Variants in MTHFD2L observed in about 807,000 individuals in gnomAD.
The protein encoded by MTHFD2L is methylenetetrahydrofolate dehydrogenase (NADP+ dependent) 2 like.
Under a neutral mutation model 34.9 loss-of-function variants are expected in MTHFD2L, and 29 were observed. The ratio of observed to expected loss-of-function variants is 0.83; its 90% CI spans 0.62 to 1.13. MTHFD2L has a LOEUF of 1.13. Among genes scored for constraint, MTHFD2L ranks in the 50% most tolerant of loss-of-function variants. The pLI is 0.00. For missense variants in MTHFD2L, 481 were observed against 446.5 expected (o/e 1.08, Z -0.70); for synonymous variants, 167 against 155.7 (o/e 1.07, Z -0.54).
rs1290542040 is a variant in MTHFD2L, at chr4:74,158,290, G to A, written c.143+9G>A. 4 of 1,302,838 alleles carry A rather than the reference G, an allele frequency of 3.1e-6. No individual in the cohort carries two copies. The African/African-American group carries it at 4.7e-5, about 15-fold the overall frequency. The allele number at this position is 1,302,838 out of a possible 1,614,324, so 80.7% of individuals were successfully genotyped here. A position where few individuals can be genotyped will look rare whatever the true frequency, so the allele number is the denominator to read the frequency against. On this transcript the variant is annotated intron_variant, in intron 1 of 7. Coordinates refer to ENST00000325278, the MANE Select transcript of MTHFD2L (RefSeq NM_001144978.3). ...CGGAGCAGCGGTGTGAGGTACGAGG[G>A]CTGCGGGCGCCGGGTGCGGAGCCGC...
chr4:74,288,164 T>G (rs1748433135), intron 7 of MTHFD2L: 1 of 152,258 alleles, frequency 6.6e-6, no homozygotes, highest in Non-Finnish European at 1.5e-5. Flanking sequence ...ACAGTCATTC[T>G]GAGGTACTGG....
chr4:74,130,309 C>A (rs2109801742), intron 1 of MTHFD2L, among the ~76,000 whole-genome samples: 1 of 152,240 alleles, frequency 6.6e-6, no homozygotes. Context: ...GGCCAATATC[C>A]CTGATGAACA....
intron 1 of MTHFD2L, among the ~76,000 whole-genome samples, chr4:74,131,756 T>C (rs757818823): frequency 6.6e-6 from 1 of 152,120 alleles, no homozygotes; most frequent in African/African-American, 2.4e-5. Context: ...CCTAAGGAGC[T>C]TCTGCACAGC....
intron 3 of MTHFD2L, among the ~76,000 whole-genome samples, chr4:74,177,150 T>A (rs1326712316): frequency 6.6e-6 from 1 of 151,894 alleles, no homozygotes; most frequent in African/African-American, 2.4e-5. Context: ...TAGTATCACT[T>A]ACCTTTAAAA....
chr4:74,217,025 T>C (rs922572600), intron 5 of MTHFD2L, among the ~76,000 whole-genome samples: 6 of 151,798 alleles, frequency 4.0e-5, no homozygotes, highest in Non-Finnish European at 7.3e-5. Flanking sequence ...TGCAAGACCT[T>C]ATATGATCTG....
At chr4:74,198,599 T>C (rs1733887994) in intron 3 of MTHFD2L, among the ~76,000 whole-genome samples, 1 of 151,946 alleles carries the variant, frequency 6.6e-6, no homozygotes, top group Non-Finnish European at 1.5e-5. Context: ...ATCACCTAGA[T>C]TTTTTTTAAA....
intron 2 of MTHFD2L, among the ~76,000 whole-genome samples, chr4:74,116,318 T>C (rs1012225654): frequency 3.3e-5 from 5 of 152,044 alleles, no homozygotes; most frequent in Non-Finnish European, 5.9e-5. Flanking sequence ...TACATATCAC[T>C]AAAGCTAAAC....
intron 2 of MTHFD2L, among the ~76,000 whole-genome samples, chr4:74,117,903 G>T (rs1721682224): frequency 6.6e-6 from 1 of 152,100 alleles, no homozygotes; most frequent in Non-Finnish European, 1.5e-5. Context: ...CATGAACTCT[G>T]TACTTATCGA....
At chr4:74,233,114 G>A (rs1475102413) in intron 6 of MTHFD2L, among the ~76,000 whole-genome samples, 1 of 152,110 alleles carries the variant, frequency 6.6e-6, no homozygotes, top group Non-Finnish European at 1.5e-5. Context: ...TAATATTAAA[G>A]CATATTTCAT....
intron 7 of MTHFD2L, among the ~76,000 whole-genome samples, chr4:74,291,732 A>G (rs950288138): frequency 4.6e-5 from 7 of 152,146 alleles, no homozygotes; most frequent in Non-Finnish European, 1.0e-4. Flanking sequence ...ACAACATGGG[A>G]AAGTAAGTGT....
intron 6 of MTHFD2L, among the ~76,000 whole-genome samples, chr4:74,246,624 A>T (rs1742499122): frequency 6.6e-6 from 1 of 152,148 alleles, no homozygotes; most frequent in African/African-American, 2.4e-5. Flanking sequence ...CTAACATTTA[A>T]GTCTTTAATC....
At chr4:74,166,307 C>T (rs758950648) in intron 1 of MTHFD2L, among the ~76,000 whole-genome samples, 3 of 152,208 alleles carry the variant, frequency 2.0e-5, no homozygotes, top group Non-Finnish European at 4.4e-5. Context: ...AAGGAGTTTG[C>T]AGCTGCATAA....
chr4:74,193,529 T>C (rs1283895774), intron 3 of MTHFD2L, among the ~76,000 whole-genome samples: 3 of 152,208 alleles, frequency 2.0e-5, no homozygotes, highest in Non-Finnish European at 4.4e-5. Context: ...AGTTTGGGAA[T>C]TGACATCTTA....
chr4:74,277,902 G>A (rs968955361), intron 6 of MTHFD2L, among the ~76,000 whole-genome samples: 1 of 152,006 alleles, frequency 6.6e-6, no homozygotes, highest in Admixed American at 6.6e-5. Context: ...TGTGTGGTCA[G>A]TGCACTGGTG....
At chr4:74,186,415 A>G (rs1259309557) in intron 3 of MTHFD2L, among the ~76,000 whole-genome samples, 1 of 123,976 alleles carries the variant, frequency 8.1e-6, no homozygotes, top group Non-Finnish European at 1.7e-5. Context: ...TGATTGTCCC[A>G]TGGAAAATTC....
intron 2 of MTHFD2L, 22 bp downstream of exon 2, chr4:74,174,712 A>G: frequency 1.5e-6 from 2 of 1,377,102 alleles, no homozygotes; most frequent in South Asian, 3.9e-5. Context: ...TTTTAGTTGT[A>G]ATTACTACTA....
chr4:74,225,304 G>A lies in MTHFD2L; in HGVS notation c.715G>A (p.Asp239Asn), dbSNP rs1418598704. 1 of 1,610,778 alleles carries A rather than the reference G, an allele frequency of 6.2e-7. No individual in the cohort carries two copies. The highest frequency in any genetic ancestry group is 8.5e-7 in the Non-Finnish European group (1 of 1,178,128). Reference protein sequence around the residue: ...TDGEHERPGGDATVTIAHRYT... With the variant: ...TDGEHERPGGNATVTIAHRYT... ...ATAGAAATTCTTCTGTATTCCAGGT[G>A]ATGCAACTGTGACAATAGCTCACAG... Residue 239 changes from aspartate to asparagine, a missense_variant and splice_region_variant, in exon 6 of 8, where the codon GAT becomes AAT. Coordinates refer to ENST00000325278, the MANE Select transcript of MTHFD2L (RefSeq NM_001144978.3).
chr4:74,150,576 T>C (rs748328958), intron 1 of MTHFD2L, among the ~76,000 whole-genome samples: 9 of 152,208 alleles, frequency 5.9e-5, no homozygotes, highest in Non-Finnish European at 1.3e-4. Flanking sequence ...TTTAAACCAC[T>C]AAATTTGTGA....
chr4:74,118,827 G>A (rs1721700317), upstream of MTHFD2L, among the ~76,000 whole-genome samples: 1 of 152,214 alleles, frequency 6.6e-6, no homozygotes, highest in Non-Finnish European at 1.5e-5. Flanking sequence ...TACCTCCTGA[G>A]CTCTGCCTCC....
Sources: allele counts gnomAD v4.1 joint callset (sites outside exome capture counted in the v4.1 genomes callset), GRCh38; gene constraint gnomAD v4.1.1; transcripts MANE v1.5; gene names NCBI Gene and HGNC (gene_info 2026-07-23, HGNC 2026-07-21).